The following CSMD1 variants were observed in gnomAD, a reference collection of about 807,000 sequenced individuals.
The protein encoded by CSMD1 is CUB and sushi domain-containing protein 1.
In CSMD1, 213 loss-of-function variants were observed where a neutral mutation model predicts 417.5. The observed-to-expected ratio is 0.51, with a 90% CI of 0.46 to 0.57. The LOEUF (loss-of-function observed/expected upper bound fraction) is 0.57, where lower values mean the gene tolerates loss of function less well. Ranked by LOEUF, CSMD1 falls within the 20% of genes least tolerant of loss-of-function variation. The probability of loss-of-function intolerance (pLI) is 0.00; values close to 1 mark genes in which losing one functional copy is unlikely to be tolerated. For missense variants in CSMD1, 6,923 were observed against 4,529.7 expected, an observed-to-expected ratio of 1.53 and a Z score of -15.17; for synonymous variants, 2,862 against 1,736.8, an observed-to-expected ratio of 1.65 and a Z score of -16.11.
intron 25 of CSMD1, among the ~76,000 whole-genome samples, chr8:3,291,518 T>C (rs1803559158): frequency 1.3e-5 from 2 of 152,220 alleles, no homozygotes; most frequent in South Asian, 4.1e-4. Context: ...GTTATTGGTC[T>C]ATTCAGAGAT....
At chr8:3,009,372 T>C (rs1032320216) in intron 52 of CSMD1, among the ~76,000 whole-genome samples, 8 of 152,216 alleles carry the variant, frequency 5.3e-5, no homozygotes, top group African/African-American at 1.7e-4. Context: ...ACATTACAAA[T>C]ATCCTGGGCC....
chr8:3,838,040 A>G (rs916557134), intron 5 of CSMD1, among the ~76,000 whole-genome samples: 1 of 152,098 alleles, frequency 6.6e-6, no homozygotes, highest in African/African-American at 2.4e-5. Context: ...ATATGTATGT[A>G]TTGATTAGTG....
chr8:4,372,347 G>A (rs756056421), intron 3 of CSMD1, among the ~76,000 whole-genome samples: 1 of 152,088 alleles, frequency 6.6e-6, no homozygotes, highest in Non-Finnish European at 1.5e-5. Flanking sequence ...AAGGAGGAAC[G>A]CTTAGTGTTT....
chr8:4,416,796 G>T lies in CSMD1; in HGVS notation c.415+3157C>A, dbSNP rs1283154390. ...TCCTAGATGTTTTTCTTAAAACATA[G>T]GTCAGCTTGATGACAAAGTAATATT... On this transcript the variant is annotated intron_variant, in intron 3 of 69. Transcript: ENST00000635120. Among the ~76,000 whole-genome samples, 3 of 151,864 alleles carry T rather than the reference G, an allele frequency of 2.0e-5. No homozygotes were observed. In the East Asian group the frequency reaches 5.8e-4, roughly 29 times the overall value.
At chr8:3,797,205 G>A (rs75464962) in intron 5 of CSMD1, among the ~76,000 whole-genome samples, 1 of 151,822 alleles carries the variant, frequency 6.6e-6, no homozygotes, top group Non-Finnish European at 1.5e-5. Context: ...ACTTCAATCT[G>A]AAATATCAAA....
intron 7 of CSMD1, among the ~76,000 whole-genome samples, chr8:3,692,024 C>T (rs932777355): frequency 6.6e-6 from 1 of 152,198 alleles, no homozygotes. Context: ...GTCTCATCAT[C>T]AGCAGAGCCG....
intron 1 of CSMD1, among the ~76,000 whole-genome samples, chr8:4,941,034 T>C (rs576340056): frequency 2.6e-5 from 4 of 152,314 alleles, no homozygotes; most frequent in African/African-American, 9.6e-5. Context: ...ATCTACACTT[T>C]TCATTTCTGT....
intron 5 of CSMD1, among the ~76,000 whole-genome samples, chr8:3,944,205 A>T (rs1811077345): frequency 6.6e-6 from 1 of 152,180 alleles, no homozygotes; most frequent in South Asian, 2.1e-4. Context: ...TTTGAAAATA[A>T]AAAGTTAAGA....
chr8:4,604,051 G>T (rs185409057), intron 2 of CSMD1, among the ~76,000 whole-genome samples: 1 of 152,130 alleles, frequency 6.6e-6, no homozygotes, highest in African/African-American at 2.4e-5. Flanking sequence ...TTTATTGACA[G>T]TTGTTAACTT....
At chr8:3,563,836 C>G (rs1799579750) in intron 10 of CSMD1, among the ~76,000 whole-genome samples, 1 of 152,088 alleles carries the variant, frequency 6.6e-6, no homozygotes, top group Non-Finnish European at 1.5e-5. Flanking sequence ...TTGCAGTGAG[C>G]CAAGAGTATG....
intron 7 of CSMD1, among the ~76,000 whole-genome samples, chr8:3,669,321 T>G (rs1452235427): frequency 1.3e-5 from 2 of 152,166 alleles, no homozygotes; most frequent in East Asian, 3.9e-4. Flanking sequence ...GTGTGAGCAA[T>G]TATTTCCTTC....
intron 2 of CSMD1, among the ~76,000 whole-genome samples, chr8:4,577,163 A>T (rs2130680728): frequency 6.6e-6 from 1 of 152,124 alleles, no homozygotes; most frequent in African/African-American, 2.4e-5. Context: ...TTTTGCACTG[A>T]TTTTTAATAC....
intron 2 of CSMD1, among the ~76,000 whole-genome samples, chr8:4,594,948 G>A (rs752717877): frequency 6.6e-6 from 1 of 152,190 alleles, no homozygotes; most frequent in Non-Finnish European, 1.5e-5. Context: ...TAATTCAGTA[G>A]TTGAATGTTT....
chr8:3,932,208 C>T (rs1291952471), intron 5 of CSMD1, among the ~76,000 whole-genome samples: 1 of 150,202 alleles, frequency 6.7e-6, no homozygotes, highest in African/African-American at 2.5e-5. Flanking sequence ...ACTTTGGTCC[C>T]ATATCATGTT....
At chr8:3,300,610 T>C (rs1207711794) in intron 25 of CSMD1, among the ~76,000 whole-genome samples, 1 of 152,082 alleles carries the variant, frequency 6.6e-6, no homozygotes, top group African/African-American at 2.4e-5. Context: ...TATATAAATA[T>C]AAGCAAAGAT....
chr8:3,564,752 A>C (rs1020633149), intron 10 of CSMD1, among the ~76,000 whole-genome samples: 20 of 130,360 alleles, frequency 1.5e-4, no homozygotes, highest in Admixed American at 1.1e-3. Flanking sequence ...CACACAAAAA[A>C]CCCAAAAAAC....
chr8:4,018,269 T>A (rs1010766722), intron 4 of CSMD1, among the ~76,000 whole-genome samples: 6 of 152,182 alleles, frequency 3.9e-5, no homozygotes, highest in Middle Eastern at 3.4e-3. Context: ...ATTATGGTGT[T>A]TGAGAGTCTA....
At chr8:4,952,621 T>C (rs73173781) in intron 1 of CSMD1, among the ~76,000 whole-genome samples, 53 of 152,226 alleles carry the variant, frequency 3.5e-4, no homozygotes, top group Non-Finnish European at 6.3e-4. Context: ...AATTAGAGCA[T>C]AGTTGATATG....
chr8:4,433,997 T>C (rs1449132447), intron 2 of CSMD1, among the ~76,000 whole-genome samples: 9 of 152,144 alleles, frequency 5.9e-5, no homozygotes, highest in Admixed American at 5.9e-4. Flanking sequence ...AGCCTCAAGA[T>C]TAACAGCTTC....
Sources: gnomAD v4.1 joint callset for allele counts (sites outside exome capture counted in the v4.1 genomes callset) on GRCh38, gnomAD v4.1.1 for gene constraint, MANE v1.5 for transcripts, NCBI Gene and HGNC (gene_info 2026-07-23, HGNC 2026-07-21) for gene names.